The following DCAF6 variants were observed in gnomAD, a reference collection of about 807,000 sequenced individuals.
DCAF6 encodes the protein DDB1- and CUL4-associated factor 6.
In DCAF6, 54 loss-of-function variants were observed where a neutral mutation model predicts 125.1. That is an observed-to-expected ratio of 0.43 (90% CI 0.35 to 0.54). The LOEUF (loss-of-function observed/expected upper bound fraction) is 0.54. Ranked by LOEUF, DCAF6 falls within the 20% of genes least tolerant of loss-of-function variation. The pLI is 0.01. For missense variants in DCAF6, 934 were observed against 1,161.7 expected (o/e 0.80, Z 2.85); for synonymous variants, 371 against 390.4 (o/e 0.95, Z 0.58).
Position 168,038,353 on chromosome 1 carries a change from T to C in DCAF6, c.1610-18T>C. ...TGGTTTCAGAGACTTTTTCAAATGTTTTAAACACAATTTTCAGATAACAAT... is the reference window on the plus strand; with the variant it reads ...TGGTTTCAGAGACTTTTTCAAATGTCTTAAACACAATTTTCAGATAACAAT... On this transcript the variant is annotated intron_variant, in intron 12 of 21. Coordinates refer to ENST00000367840, the MANE Select transcript of DCAF6 (RefSeq NM_001198956.2). The C allele has an allele frequency of 6.3e-7, 1 of 1,578,998 alleles. No individual in the cohort carries two copies. Among genetic ancestry groups the C allele is most frequent in the Non-Finnish European group, 8.6e-7 (1 of 1,156,690 alleles).
At chr1:167,874,570 G>GGCATAATTGACCAAAATT in the DCAF6 span, among the ~76,000 whole-genome samples, 16 of 152,024 alleles carry the variant, frequency 1.1e-4, no homozygotes, top group African/African-American at 3.9e-4. Context: ...AAAACTATTT[G>GGCATAATTGACCAAAATT]GCACCCTTTG....
chr1:167,871,521 G>C, the DCAF6 span, among the ~76,000 whole-genome samples: 1 of 152,214 alleles, frequency 6.6e-6, no homozygotes, highest in Non-Finnish European at 1.5e-5. Context: ...AAACCCTGCT[G>C]TAAGGAGCTG....
chr1:167,984,789 T>C (rs530616579), intron 4 of DCAF6, among the ~76,000 whole-genome samples: 11 of 152,330 alleles, frequency 7.2e-5, no homozygotes, highest in African/African-American at 2.6e-4. Flanking sequence ...ATTGGTTCAA[T>C]TGAAGCAAAG....
chr1:167,865,880 GCTCTTTTCCAGGAT>G, the DCAF6 span, among the ~76,000 whole-genome samples: 1 of 152,172 alleles, frequency 6.6e-6, no homozygotes, highest in Admixed American at 6.5e-5. Context: ...CTGCATGGTA[GCTCTTTTCCAGGAT>G]TCTACAGCCT....
chr1:168,033,423 C>T (rs1163253320), intron 12 of DCAF6, among the ~76,000 whole-genome samples: 3 of 150,678 alleles, frequency 2.0e-5, no homozygotes, highest in Admixed American at 6.6e-5. Context: ...TCACGCCATT[C>T]TCCTGCCTCA....
intron 9 of DCAF6, among the ~76,000 whole-genome samples, chr1:168,004,208 A>C (rs1280948607): frequency 6.6e-6 from 1 of 152,152 alleles, no homozygotes; most frequent in Non-Finnish European, 1.5e-5. Context: ...GCTTTTCTCA[A>C]AGTAAAGTAG....
intron 14 of DCAF6, 46 bp from the exon 15 acceptor site, chr1:168,044,539 T>C: frequency 7.2e-7 from 1 of 1,391,756 alleles, no homozygotes; most frequent in Non-Finnish European, 1.0e-6. Context: ...TTAGAACTAA[T>C]CCCTCATGGA....
the DCAF6 span, among the ~76,000 whole-genome samples, chr1:167,923,637 G>A: frequency 6.6e-6 from 1 of 151,844 alleles, no homozygotes; most frequent in Non-Finnish European, 1.5e-5. Flanking sequence ...TGTACTTAAC[G>A]CTACTGAACT....
intron 2 of DCAF6, among the ~76,000 whole-genome samples, chr1:167,962,837 C>G (rs565048477): frequency 6.6e-6 from 1 of 152,254 alleles, no homozygotes; most frequent in South Asian, 2.1e-4. Flanking sequence ...TGCCTATAAT[C>G]CCAGTTACTT....
chr1:167,937,628 G>A (rs1367334130), intron 1 of DCAF6, among the ~76,000 whole-genome samples: 2 of 152,116 alleles, frequency 1.3e-5, no homozygotes, highest in African/African-American at 2.4e-5. Flanking sequence ...AGGGTTTCAC[G>A]TTCCTCTTCC....
chr1:167,957,298 C>T (rs1674930729), intron 2 of DCAF6, among the ~76,000 whole-genome samples: 1 of 152,068 alleles, frequency 6.6e-6, no homozygotes, highest in Non-Finnish European at 1.5e-5. Flanking sequence ...ATCACTAATA[C>T]TTTCTGTCTC....
intron 21 of DCAF6, among the ~76,000 whole-genome samples, chr1:168,074,545 A>G (rs1179128445): frequency 6.6e-6 from 1 of 152,184 alleles, no homozygotes; most frequent in African/African-American, 2.4e-5. Context: ...AAAAAGAAGT[A>G]ACTCCTGCCC....
At chr1:167,990,071 G>C (rs1263552789) in intron 5 of DCAF6, among the ~76,000 whole-genome samples, 1 of 152,120 alleles carries the variant, frequency 6.6e-6, no homozygotes, top group African/African-American at 2.4e-5. Flanking sequence ...GCTGGTTAAG[G>C]AGAAAGGTTT....
intron 17 of DCAF6, among the ~76,000 whole-genome samples, chr1:168,055,311 T>C (rs1477563586): frequency 1.9e-5 from 2 of 106,930 alleles, no homozygotes; most frequent in East Asian, 4.9e-4. Context: ...AATCTTTGAA[T>C]TGAAAAAAAT....
chr1:167,945,955 G>GTTTTT (rs1238443018), intron 1 of DCAF6, among the ~76,000 whole-genome samples: 18 of 123,936 alleles, frequency 1.5e-4, no homozygotes, highest in Admixed American at 2.5e-4. Flanking sequence ...AAATCTAAGG[G>GTTTTT]TTTTTTTTTT....
At chr1:167,868,222 T>A in the DCAF6 span, among the ~76,000 whole-genome samples, 4 of 152,132 alleles carry the variant, frequency 2.6e-5, no homozygotes, top group Non-Finnish European at 5.9e-5. Context: ...TCACCTCATG[T>A]TACGTTTGTG....
chr1:168,032,214 G>T (rs936432550), intron 12 of DCAF6, among the ~76,000 whole-genome samples: 16 of 152,190 alleles, frequency 1.1e-4, no homozygotes, highest in African/African-American at 3.6e-4. Context: ...GGCTTGCATA[G>T]TATCACTTCT....
the DCAF6 span, chr1:167,896,777 T>C: frequency 5.5e-6 from 5 of 909,420 alleles, no homozygotes; most frequent in Non-Finnish European, 9.2e-6. Flanking sequence ...AAAGAGAGTA[T>C]GCTTTTGACT....
intron 12 of DCAF6, among the ~76,000 whole-genome samples, chr1:168,030,403 G>GGACATTTTTAGGTTT (rs1334360690): frequency 6.6e-6 from 1 of 152,156 alleles, no homozygotes; most frequent in Non-Finnish European, 1.5e-5. Context: ...GTGACTTTTT[G>GGACATTTTTAGGTTT]GACATTTTTA....
Sources: gnomAD v4.1 joint callset for allele counts (sites outside exome capture counted in the v4.1 genomes callset) on GRCh38, gnomAD v4.1.1 for gene constraint, MANE v1.5 for transcripts, NCBI Gene and HGNC (gene_info 2026-07-23, HGNC 2026-07-21) for gene names.